RANBP2: variants seen among roughly 807,000 people sequenced by gnomAD.
The protein encoded by RANBP2 is RAN binding protein 2, also known as E3 SUMO-protein ligase RanBP2.
In RANBP2, 57 loss-of-function variants were observed where a neutral mutation model predicts 303.6. That is an observed-to-expected ratio of 0.19 (90% confidence interval 0.15 to 0.23). The LOEUF is 0.23. Ranked by LOEUF, RANBP2 falls within the 10% of genes least tolerant of loss-of-function variation. The pLI, the probability that RANBP2 is intolerant of heterozygous loss-of-function variation, is 1.00. For synonymous variants in RANBP2, 1,167 were observed against 1,301.5 expected (o/e 0.90, Z 2.23); for missense variants, 3,138 against 3,780.8 (o/e 0.83, Z 4.46).
At chr2:109,427,580 C>T in the RANBP2 span, among the ~76,000 whole-genome samples, 2 of 152,304 alleles carry the variant, frequency 1.3e-5, no homozygotes, top group African/African-American at 4.8e-5. Flanking sequence ...GGCCCAGGTT[C>T]ACACTTCGGG....
At chr2:109,078,266 GCGTATATA>G in the RANBP2 span, among the ~76,000 whole-genome samples, 12,123 of 55,082 alleles carry the variant, frequency 0.22, 2,308 homozygotes, top group Middle Eastern at 0.32. Flanking sequence ...TATATATAGC[GCGTATATA>G]TATATATATA....
At chr2:108,934,033 C>T in the RANBP2 span, among the ~76,000 whole-genome samples, 1 of 152,172 alleles carries the variant, frequency 6.6e-6, no homozygotes, top group East Asian at 1.9e-4. Flanking sequence ...AGCTGAGCCT[C>T]GGAGGGCTTC....
intron 17 of RANBP2, among the ~76,000 whole-genome samples, chr2:108,758,147 A>G (rs1475639129): frequency 6.6e-6 from 1 of 152,094 alleles, no homozygotes; most frequent in East Asian, 1.9e-4. Context: ...TACACAAAAA[A>G]TTAGCCAGGC....
chr2:109,151,377 C>T, the RANBP2 span, among the ~76,000 whole-genome samples: 65 of 152,138 alleles, frequency 4.3e-4, no homozygotes, highest in Non-Finnish European at 8.4e-4. Flanking sequence ...AACAGGTGTT[C>T]AAATAAACCA....
the RANBP2 span, chr2:109,613,153 T>A: frequency 7.8e-7 from 1 of 1,288,094 alleles, no homozygotes; most frequent in Non-Finnish European, 1.0e-6. Flanking sequence ...ACCTTGGTAC[T>A]ATTAACGAAA....
intron 6 of RANBP2, among the ~76,000 whole-genome samples, chr2:108,739,107 A>G (rs1187770529): frequency 6.6e-6 from 1 of 152,032 alleles, no homozygotes; most frequent in Non-Finnish European, 1.5e-5. Flanking sequence ...TGAAGCCTCT[A>G]GAAAACTCAG....
the RANBP2 span, chr2:109,585,699 A>G: frequency 6.7e-7 from 1 of 1,490,198 alleles, no homozygotes; most frequent in Non-Finnish European, 9.4e-7. Context: ...AACAACTTAG[A>G]GGAAGAGTAG....
chr2:109,606,672 C>CTTTTTTTTTTTT, the RANBP2 span, among the ~76,000 whole-genome samples: 6 of 71,910 alleles, frequency 8.3e-5, 1 homozygote, highest in African/African-American at 1.6e-4. Flanking sequence ...AAATTTTAAG[C>CTTTTTTTTTTTT]TTTTTTTTTT....
the RANBP2 span, among the ~76,000 whole-genome samples, chr2:109,355,829 A>G: frequency 1.3e-5 from 2 of 152,214 alleles, no homozygotes; most frequent in Non-Finnish European, 2.9e-5. Context: ...ATTTCTCCAT[A>G]TACTAATGAG....
the RANBP2 span, among the ~76,000 whole-genome samples, chr2:109,248,807 C>G: frequency 2.7e-5 from 4 of 150,766 alleles, no homozygotes; most frequent in Non-Finnish European, 5.9e-5. Context: ...GTCTCTCTTT[C>G]TCTTTCGTTT....
the RANBP2 span, among the ~76,000 whole-genome samples, chr2:109,401,406 C>T: frequency 6.6e-6 from 1 of 152,200 alleles, no homozygotes; most frequent in Non-Finnish European, 1.5e-5. Flanking sequence ...CCTAGAAGAG[C>T]AAAGGCCACT....
chr2:109,137,151 C>G, the RANBP2 span, among the ~76,000 whole-genome samples: 3 of 152,142 alleles, frequency 2.0e-5, no homozygotes, highest in Non-Finnish European at 2.9e-5. Context: ...TTTTTATTCT[C>G]TGTTTATCTG....
chr2:109,531,523 T>C, the RANBP2 span, among the ~76,000 whole-genome samples: 1 of 152,218 alleles, frequency 6.6e-6, no homozygotes, highest in African/African-American at 2.4e-5. Flanking sequence ...CTCTTGGATA[T>C]GCATCGTGGC....
chr2:109,505,833 T>TA, the RANBP2 span, among the ~76,000 whole-genome samples: 4 of 152,228 alleles, frequency 2.6e-5, no homozygotes, highest in African/African-American at 9.6e-5. Flanking sequence ...ATAGAATTGA[T>TA]ACCTCAAGCA....
the RANBP2 span, among the ~76,000 whole-genome samples, chr2:109,429,824 G>C: frequency 6.6e-6 from 1 of 152,230 alleles, no homozygotes; most frequent in African/African-American, 2.4e-5. Context: ...CACCCGAGCA[G>C]AGGTAGCCCT....
At chr2:109,024,720 C>A in the RANBP2 span, among the ~76,000 whole-genome samples, 13 of 152,226 alleles carry the variant, frequency 8.5e-5, no homozygotes, top group Admixed American at 8.5e-4. Context: ...GGACTGTGGG[C>A]CCTAGTCTTG....
chr2:108,739,724 G>A (rs866385734), intron 6 of RANBP2, among the ~76,000 whole-genome samples: 1 of 152,194 alleles, frequency 6.6e-6, no homozygotes, highest in Non-Finnish European at 1.5e-5. Context: ...AGTGGCTCAT[G>A]CCTGTAATCC....
chr2:109,492,922 C>T, the RANBP2 span, among the ~76,000 whole-genome samples: 1 of 152,058 alleles, frequency 6.6e-6, no homozygotes, highest in African/African-American at 2.4e-5. Context: ...TACAGCCACA[C>T]CCACAGGGAG....
At chr2:108,896,967 T>C in the RANBP2 span, 1 of 1,613,808 alleles carries the variant, frequency 6.2e-7, no homozygotes, top group Non-Finnish European at 8.5e-7. Flanking sequence ...CCAGTATGTC[T>C]GCACACAAGG....
Sources: allele counts gnomAD v4.1 joint callset (sites outside exome capture counted in the v4.1 genomes callset), GRCh38; gene constraint gnomAD v4.1.1; transcripts MANE v1.5; gene names NCBI Gene and HGNC (gene_info 2026-07-23, HGNC 2026-07-21).